The following AIG1 variants were observed in gnomAD, a reference collection of about 807,000 sequenced individuals.
AIG1 encodes androgen induced 1.
A neutral mutation model predicts 31.4 loss-of-function variants in AIG1; 23 were observed. That is an observed-to-expected ratio of 0.73 (90% confidence interval 0.53 to 1.04). AIG1 has a LOEUF of 1.04. AIG1 is among the 50% of genes least tolerant of loss of function. The probability of loss-of-function intolerance (pLI) is 0.00; values close to 1 mark genes in which losing one functional copy is unlikely to be tolerated. For missense variants in AIG1, 274 were observed against 295.0 expected (o/e 0.93, Z 0.52); for synonymous variants, 100 against 110.5 (o/e 0.90, Z 0.60).
intron 1 of AIG1, among the ~76,000 whole-genome samples, chr6:143,062,659 T>C (rs752329382): frequency 6.6e-6 from 1 of 152,216 alleles, no homozygotes; most frequent in Non-Finnish European, 1.5e-5. Context: ...TCTGCAACCC[T>C]GAGGTTCTGA....
At chr6:143,236,313 A>G (rs1437526233) in intron 3 of AIG1, among the ~76,000 whole-genome samples, 2 of 152,174 alleles carry the variant, frequency 1.3e-5, no homozygotes, top group Non-Finnish European at 2.9e-5. Flanking sequence ...GTGAGTTTGC[A>G]GATGCCTCAT....
At chr6:143,267,847 T>C (rs1031645028) in intron 3 of AIG1, among the ~76,000 whole-genome samples, 3 of 152,156 alleles carry the variant, frequency 2.0e-5, no homozygotes, top group Non-Finnish European at 4.4e-5. Flanking sequence ...CACTGGGGAC[T>C]TTTCCGTTTA....
At chr6:143,319,172 A>G (rs370342982) in intron 4 of AIG1, among the ~76,000 whole-genome samples, 1 of 152,210 alleles carries the variant, frequency 6.6e-6, no homozygotes, top group East Asian at 1.9e-4. Flanking sequence ...AGACACTTGC[A>G]CATACATGTT....
rs910586738 is a variant in AIG1 at position 143,279,742 on chromosome 6, C to T, written c.400-4368C>T. Reference sequence around the variant, plus strand: ...GAAAAGCACAAATGATGCAATAAATCAGGATAGATTTAGGCTTCGTTTTTT... The same window carrying T: ...GAAAAGCACAAATGATGCAATAAATTAGGATAGATTTAGGCTTCGTTTTTT... On this transcript the variant is annotated intron_variant, in intron 3 of 5. Coordinates refer to ENST00000357847, the MANE Select transcript of AIG1 (RefSeq NM_016108.4). The surrounding 1 kb of genome is among the most constrained non-coding windows in gnomAD (Gnocchi z 5.4). Among the ~76,000 whole-genome samples, 5 of 152,154 alleles carry T rather than the reference C, an allele frequency of 3.3e-5. No homozygotes were observed. Among genetic ancestry groups the T allele is most frequent in the Non-Finnish European group, 7.4e-5 (5 of 68,026 alleles).
chr6:143,188,822 C>T (rs1223642773), intron 3 of AIG1: 4 of 985,038 alleles, frequency 4.1e-6, no homozygotes, highest in Non-Finnish European at 4.8e-6. Context: ...TAGCAACTTC[C>T]CAGAACATTC....
At chr6:143,207,806 G>T (rs1791244489) in intron 3 of AIG1, among the ~76,000 whole-genome samples, 1 of 151,978 alleles carries the variant, frequency 6.6e-6, no homozygotes, top group African/African-American at 2.4e-5. Context: ...AAATTGTTGG[G>T]TTTTTTTCAC....
intron 1 of AIG1, among the ~76,000 whole-genome samples, chr6:143,108,620 T>C (rs1231982538): frequency 6.6e-6 from 1 of 152,190 alleles, no homozygotes. Flanking sequence ...TATTAACACT[T>C]GCCTTCGCCA....
intron 1 of AIG1, among the ~76,000 whole-genome samples, chr6:143,064,914 C>T (rs1253072852): frequency 2.6e-5 from 4 of 151,980 alleles, no homozygotes; most frequent in Middle Eastern, 3.2e-3. Context: ...AAGGAGTCAG[C>T]GAAGGGAGAT....
intron 3 of AIG1, among the ~76,000 whole-genome samples, chr6:143,200,792 T>G (rs1790635609): frequency 6.6e-6 from 1 of 152,136 alleles, no homozygotes; most frequent in Non-Finnish European, 1.5e-5. Context: ...TTGTGTTGCC[T>G]CAGGACCATT....
chr6:143,111,826 A>G (rs1562387211), intron 1 of AIG1, among the ~76,000 whole-genome samples: 1 of 151,856 alleles, frequency 6.6e-6, no homozygotes, highest in Non-Finnish European at 1.5e-5. Context: ...AAAACATCCA[A>G]CTCGTCTTCC....
Position 143,330,541 on chromosome 6 carries a change from G to A in AIG1, c.516-2741G>A, listed in dbSNP as rs983693682. Among the ~76,000 whole-genome samples the A allele has an allele frequency of 7.2e-5, 11 of 152,184 alleles. No homozygotes were observed. Among genetic ancestry groups the A allele is most frequent in the Admixed American group, 3.9e-4 (6 of 15,282 alleles). ...GCGGGGAACGATGGGGAGAATAACA[G>A]GAGATTAAATCAGAAAAGTGCGGGG... On this transcript the variant is annotated intron_variant, in intron 4 of 5. Coordinates refer to ENST00000357847, the MANE Select transcript of AIG1 (RefSeq NM_016108.4). This position sits in a 1 kb window ranked among gnomAD's most constrained non-coding sequence, Gnocchi z 4.4.
chr6:143,190,589 T>A, intron 3 of AIG1: 1 of 985,444 alleles, frequency 1.0e-6, no homozygotes, highest in African/African-American at 1.7e-5. Flanking sequence ...AGCATTTTCT[T>A]ACAAAAAACT....
At chr6:143,230,402 A>G (rs1286198172) in intron 3 of AIG1, among the ~76,000 whole-genome samples, 2 of 150,128 alleles carry the variant, frequency 1.3e-5, no homozygotes, top group Non-Finnish European at 3.0e-5. Flanking sequence ...TTAGTATAAT[A>G]TATTATAATT....
chr6:143,252,510 G>C (rs1190753472), intron 3 of AIG1, among the ~76,000 whole-genome samples: 1 of 152,188 alleles, frequency 6.6e-6, no homozygotes, highest in African/African-American at 2.4e-5. Flanking sequence ...GGGAGGCCAA[G>C]AGTGGGGAAA....
At chr6:143,068,669 A>C (rs1367759110) in intron 1 of AIG1, among the ~76,000 whole-genome samples, 1 of 152,230 alleles carries the variant, frequency 6.6e-6, no homozygotes, top group Non-Finnish European at 1.5e-5. Flanking sequence ...ATAGAAATAC[A>C]GGGAAGAAAA....
At position 143,137,005 on chromosome 6, in the gene AIG1, G is replaced by T. The variant is rs754350999; in HGVS notation, c.297+15G>T. The T allele has an allele frequency of 1.5e-6, 2 of 1,365,916 alleles. No homozygotes were observed. The highest frequency in any genetic ancestry group is 2.7e-5 in the East Asian group (1 of 37,164). 84.6% of individuals were successfully genotyped at this position (1,365,916 alleles called of 1,614,324 possible). ...CTGTTGGGGTTGTGAGTATGATGGAGGATGCATTTAGCCACAAAAGAAACT... is the reference window on the plus strand; with the variant it reads ...CTGTTGGGGTTGTGAGTATGATGGATGATGCATTTAGCCACAAAAGAAACT... On this transcript the variant is annotated intron_variant, in intron 2 of 5. Coordinates refer to ENST00000357847, the MANE Select transcript of AIG1 (RefSeq NM_016108.4).
rs1003720478 is a variant in AIG1 at position 143,328,612 on chromosome 6, C to T, written c.516-4670C>T. Among the ~76,000 whole-genome samples the T allele has an allele frequency of 5.3e-5, 8 of 151,970 alleles. No homozygotes were observed. Among genetic ancestry groups the T allele is most frequent in the East Asian group, 1.9e-4 (1 of 5,190 alleles). ...CTCTGCCTCATTTACTTTTTTTCATCGATGCATTATAGATGTACACAGTTT... is the reference window on the plus strand; with the variant it reads ...CTCTGCCTCATTTACTTTTTTTCATTGATGCATTATAGATGTACACAGTTT... On this transcript the variant is annotated intron_variant, in intron 4 of 5. Coordinates refer to ENST00000357847, the MANE Select transcript of AIG1 (RefSeq NM_016108.4). This position sits in a 1 kb window ranked among gnomAD's most constrained non-coding sequence, Gnocchi z 4.0.
At chr6:143,129,409 G>T (rs1783018728) in intron 1 of AIG1, among the ~76,000 whole-genome samples, 1 of 152,222 alleles carries the variant, frequency 6.6e-6, no homozygotes, top group Admixed American at 6.5e-5. Context: ...TGAGGTGGGG[G>T]CTGTACTATA....
At chr6:143,237,499 A>T (rs1793896219) in intron 3 of AIG1, among the ~76,000 whole-genome samples, 1 of 152,232 alleles carries the variant, frequency 6.6e-6, no homozygotes, top group Admixed American at 6.5e-5. Context: ...CTAATATATG[A>T]TAAACTCACG....
Sources: allele counts gnomAD v4.1 joint callset (sites outside exome capture counted in the v4.1 genomes callset), GRCh38; gene constraint gnomAD v4.1.1; non-coding constraint Gnocchi (gnomAD v3.1); transcripts MANE v1.5; gene names NCBI Gene and HGNC (gene_info 2026-07-23, HGNC 2026-07-21).